Variants in L3MBTL4 observed in about 807,000 individuals in gnomAD.
L3MBTL4 encodes the protein L3MBTL histone methyl-lysine binding protein 4.
A neutral mutation model predicts 84.5 loss-of-function variants in L3MBTL4; 70 were observed. That is an observed-to-expected ratio of 0.83 (90% CI 0.68 to 1.01). The LOEUF is 1.01. Among genes scored for constraint, L3MBTL4 ranks in the 50% least tolerant of loss-of-function variants. The pLI, the probability that L3MBTL4 is intolerant of heterozygous loss-of-function variation, is 0.00. For missense variants in L3MBTL4, 715 were observed against 754.8 expected (o/e 0.95, Z 0.62); for synonymous variants, 274 against 259.8 (o/e 1.05, Z -0.52).
In L3MBTL4 at chr18:6,261,302, C is replaced by T. The variant is rs529437018; in HGVS notation, c.219+2645G>A. Among the ~76,000 whole-genome samples, 4 of 152,328 alleles carry T rather than the reference C, an allele frequency of 2.6e-5. No homozygotes were observed. In the South Asian group the frequency reaches 8.3e-4, roughly 32 times the overall value. ...GGGCAGCTTGAGTGTTAGATTATGACTGGAGAGAAAGGCAGTCCAACATGT... is the reference window on the plus strand; with the variant it reads ...GGGCAGCTTGAGTGTTAGATTATGATTGGAGAGAAAGGCAGTCCAACATGT... On this transcript the variant is annotated intron_variant, in intron 5 of 18. Coordinates refer to ENST00000317931, the MANE Select transcript of L3MBTL4 (RefSeq NM_001330559.2).
At chr18:6,122,739 G>A (rs558147768) in intron 14 of L3MBTL4, among the ~76,000 whole-genome samples, 8 of 152,298 alleles carry the variant, frequency 5.3e-5, no homozygotes, top group East Asian at 1.9e-4. Context: ...GGCCAAGGCC[G>A]TATTATCTCT....
intron 1 of L3MBTL4, among the ~76,000 whole-genome samples, chr18:6,357,051 G>C (rs2053480186): frequency 6.6e-6 from 1 of 152,142 alleles, no homozygotes; most frequent in South Asian, 2.1e-4. Flanking sequence ...CATATATGCA[G>C]TCCGTCACTG....
chr18:6,197,836 C>T (rs1370256134), intron 12 of L3MBTL4, among the ~76,000 whole-genome samples: 2 of 152,228 alleles, frequency 1.3e-5, no homozygotes, highest in African/African-American at 4.8e-5. Flanking sequence ...CATTTGCTAT[C>T]ACTGCTGCCC....
intron 10 of L3MBTL4, among the ~76,000 whole-genome samples, chr18:6,218,007 A>T (rs1314288275): frequency 6.6e-6 from 1 of 151,988 alleles, no homozygotes; most frequent in South Asian, 2.1e-4. Flanking sequence ...TTTAAGCTGA[A>T]TTTTTTTTAA....
intron 1 of L3MBTL4, among the ~76,000 whole-genome samples, chr18:6,400,890 C>A (rs1354894961): frequency 6.6e-6 from 1 of 152,152 alleles, no homozygotes. Flanking sequence ...ACGGGCAGAG[C>A]AGACAGCAAC....
At chr18:6,393,734 T>G (rs2055154051) in intron 1 of L3MBTL4, among the ~76,000 whole-genome samples, 1 of 152,174 alleles carries the variant, frequency 6.6e-6, no homozygotes, top group African/African-American at 2.4e-5. Context: ...CTGCCCTGGT[T>G]GGAGCTACAT....
At chr18:6,336,604 C>A (rs2052352203) in intron 1 of L3MBTL4, among the ~76,000 whole-genome samples, 1 of 152,174 alleles carries the variant, frequency 6.6e-6, no homozygotes. Flanking sequence ...AAGGTCCAAC[C>A]AGAGATAGAC....
intron 4 of L3MBTL4, among the ~76,000 whole-genome samples, chr18:6,283,945 A>G (rs146177999): frequency 6.0e-4 from 92 of 152,352 alleles, no homozygotes; most frequent in Middle Eastern, 3.4e-3. Context: ...AAAAGGTAAG[A>G]TTTCTAAAAG....
At chr18:6,225,235 G>C (rs1254213772) in intron 10 of L3MBTL4, among the ~76,000 whole-genome samples, 1 of 152,208 alleles carries the variant, frequency 6.6e-6, no homozygotes, top group African/African-American at 2.4e-5. Flanking sequence ...TTTGCCTGTA[G>C]CAGAGCATAC....
intron 4 of L3MBTL4, among the ~76,000 whole-genome samples, chr18:6,276,002 C>G (rs1338958322): frequency 1.3e-5 from 2 of 152,164 alleles, no homozygotes; most frequent in Non-Finnish European, 2.9e-5. Context: ...AAGGAAATTC[C>G]TCGTGGACAA....
At chr18:6,035,741 G>A (rs2056102146) in intron 16 of L3MBTL4, among the ~76,000 whole-genome samples, 2 of 152,186 alleles carry the variant, frequency 1.3e-5, no homozygotes, top group Non-Finnish European at 2.9e-5. Flanking sequence ...ACCTTGAGCA[G>A]TATGGCCATT....
intron 1 of L3MBTL4, among the ~76,000 whole-genome samples, chr18:6,368,971 G>A (rs1380609838): frequency 6.6e-6 from 1 of 151,832 alleles, no homozygotes; most frequent in East Asian, 1.9e-4. Context: ...GAACTCGGAA[G>A]GTGGAGGCTG....
rs10664833 is a variant in L3MBTL4, at chr18:5,980,430, C to CTTTTTT, written c.1445-10874_1445-10869dup. ...AAACGTATAAATAAATTAGTTTGCG[C>CTTTTTT]TTTTTTTTTTTTTTTTTTGAGATGG... On this transcript the variant is annotated intron_variant, in intron 16 of 18. Transcript: ENST00000317931. 1.9e-4 allele frequency among the ~76,000 whole-genome samples: 23 copies of CTTTTTT among 123,024 alleles called. 2 individuals carry two copies. The highest frequency in any genetic ancestry group is 3.4e-4 in the African/African-American group (11 of 32,464). 80.7% of individuals were successfully genotyped at this position (123,024 alleles called of 152,430 possible).
chr18:5,989,562 A>G (rs2053599541), intron 16 of L3MBTL4, among the ~76,000 whole-genome samples: 1 of 152,242 alleles, frequency 6.6e-6, no homozygotes, highest in Non-Finnish European at 1.5e-5. Context: ...AAACATGCAA[A>G]CAAAAACTGA....
At chr18:6,410,399 G>A (rs2055916496) in intron 1 of L3MBTL4, among the ~76,000 whole-genome samples, 1 of 152,102 alleles carries the variant, frequency 6.6e-6, no homozygotes, top group African/African-American at 2.4e-5. Flanking sequence ...GTCCCTCACT[G>A]GACTACAAGC....
intron 14 of L3MBTL4, among the ~76,000 whole-genome samples, chr18:6,123,701 C>T (rs935889894): frequency 1.3e-5 from 2 of 152,116 alleles, no homozygotes; most frequent in Non-Finnish European, 2.9e-5. Flanking sequence ...TAACTAAAAA[C>T]GAAGTGAGAA....
chr18:5,989,403 T>G (rs931966977), intron 16 of L3MBTL4, among the ~76,000 whole-genome samples: 1 of 141,632 alleles, frequency 7.1e-6, no homozygotes. Flanking sequence ...AAGTTTTATT[T>G]TTTAAACCAT....
chr18:6,154,536 A>G (rs1022529262), intron 13 of L3MBTL4, among the ~76,000 whole-genome samples: 19 of 152,160 alleles, frequency 1.2e-4, no homozygotes, highest in African/African-American at 4.3e-4. Flanking sequence ...CCTCAGTCTC[A>G]ATATGTTCCT....
chr18:6,244,037 T>G (rs2146155870), intron 6 of L3MBTL4, among the ~76,000 whole-genome samples: 1 of 152,338 alleles, frequency 6.6e-6, no homozygotes, highest in South Asian at 2.1e-4. Flanking sequence ...ATTTAGTAAG[T>G]ATTACATTTT....
Sources: allele counts gnomAD v4.1 joint callset (sites outside exome capture counted in the v4.1 genomes callset), GRCh38; gene constraint gnomAD v4.1.1; transcripts MANE v1.5; gene names NCBI Gene and HGNC (gene_info 2026-07-23, HGNC 2026-07-21).